The following TAFA1 variants were observed in gnomAD, a reference collection of about 807,000 sequenced individuals.
The protein encoded by TAFA1 is chemokine-like protein TAFA-1.
A neutral mutation model predicts 18.5 loss-of-function variants in TAFA1; 4 were observed. The ratio of observed to expected loss-of-function variants is 0.22; its 90% CI spans 0.11 to 0.49. The LOEUF is 0.49. Ranked by LOEUF, TAFA1 falls within the 20% of genes least tolerant of loss-of-function variation. The probability of loss-of-function intolerance (pLI) is 0.98; values close to 1 mark genes in which losing one functional copy is unlikely to be tolerated. For synonymous variants in TAFA1, 56 were observed against 55.2 expected (o/e 1.01, Z -0.06); for missense variants, 147 against 169.0 (o/e 0.87, Z 0.72).
intron 3 of TAFA1, among the ~76,000 whole-genome samples, chr3:68,425,856 A>C (rs1220594398): frequency 6.6e-6 from 1 of 151,782 alleles, no homozygotes; most frequent in Non-Finnish European, 1.5e-5. Flanking sequence ...AGTATTGAAA[A>C]AATTGACTTT....
At chr3:68,463,450 C>T (rs2071823453) in intron 3 of TAFA1, among the ~76,000 whole-genome samples, 1 of 152,090 alleles carries the variant, frequency 6.6e-6, no homozygotes, top group Admixed American at 6.6e-5. Context: ...TTCATTAGCA[C>T]TTTTTTTGAC....
chr3:68,111,780 AAGAGAG>A (rs71112608), intron 2 of TAFA1, among the ~76,000 whole-genome samples: 17 of 145,938 alleles, frequency 1.2e-4, no homozygotes, highest in Admixed American at 4.7e-4. Context: ...ACACATGAGA[AAGAGAG>A]AGAGAGAGAG....
At chr3:68,286,726 G>T (rs539334582) in intron 2 of TAFA1, among the ~76,000 whole-genome samples, 21 of 152,290 alleles carry the variant, frequency 1.4e-4, no homozygotes, top group African/African-American at 5.1e-4. Flanking sequence ...CTGTCCCAGA[G>T]GAATATGAGG....
intron 2 of TAFA1, among the ~76,000 whole-genome samples, chr3:68,290,309 T>A (rs766126940): frequency 3.3e-5 from 5 of 152,174 alleles, no homozygotes; most frequent in Non-Finnish European, 7.4e-5. Context: ...TGGGAAAAAC[T>A]ATTATTCAAT....
At chr3:68,279,622 T>A (rs2067862298) in intron 2 of TAFA1, among the ~76,000 whole-genome samples, 1 of 152,124 alleles carries the variant, frequency 6.6e-6, no homozygotes, top group African/African-American at 2.4e-5. Flanking sequence ...GTATCCTCCT[T>A]CCTGAAACTT....
intron 2 of TAFA1, among the ~76,000 whole-genome samples, chr3:68,129,254 T>A (rs1575633762): frequency 6.6e-6 from 1 of 152,170 alleles, no homozygotes; most frequent in Admixed American, 6.5e-5. Flanking sequence ...GTGACTGTCT[T>A]TTCTGTTCTC....
At chr3:68,384,278 C>G (rs2070042223) in intron 2 of TAFA1, among the ~76,000 whole-genome samples, 1 of 151,698 alleles carries the variant, frequency 6.6e-6, no homozygotes, top group Non-Finnish European at 1.5e-5. Flanking sequence ...GGGTTGTTAA[C>G]TTGAGATCTT....
In TAFA1 at chr3:68,045,774, T is replaced by G. The variant is rs1473994779; in HGVS notation, c.118+39030T>G. Among the ~76,000 whole-genome samples the G allele has an allele frequency of 1.1e-4, 17 of 152,210 alleles. 1 individual carries two copies. The highest frequency in any genetic ancestry group is 1.1e-3 in the Admixed American group (17 of 15,278). On this transcript the variant is annotated intron_variant, in intron 2 of 4. Coordinates refer to ENST00000478136, the MANE Select transcript of TAFA1 (RefSeq NM_213609.4). ...TTCTGTGACTAGATGATTTCTTTAG[T>G]CCTTTTCCACTCTTTAATCATTCAT...
intron 2 of TAFA1, among the ~76,000 whole-genome samples, chr3:68,036,792 A>G (rs1705059330): frequency 6.6e-6 from 1 of 152,094 alleles, no homozygotes; most frequent in South Asian, 2.1e-4. Flanking sequence ...CTTGAAGGCT[A>G]CTCTGTGGAT....
intron 2 of TAFA1, among the ~76,000 whole-genome samples, chr3:68,204,806 C>G (rs73834894): frequency 0.014 from 2,138 of 151,910 alleles, 41 homozygotes; most frequent in East Asian, 0.089. Flanking sequence ...TGCTCAAGGT[C>G]ATCCAGCGAG....
intron 2 of TAFA1, among the ~76,000 whole-genome samples, chr3:68,233,403 G>C (rs1559568818): frequency 6.6e-6 from 1 of 152,086 alleles, no homozygotes. Flanking sequence ...TTTCCTCAAT[G>C]TATGTTCTTG....
rs758653893 is a variant in TAFA1, at chr3:68,188,507, T to TTA, written c.118+181778_118+181779dup. 2.0e-3 allele frequency among the ~76,000 whole-genome samples: 285 copies of TTA among 145,698 alleles called. 1 individual carries two copies. Among genetic ancestry groups the TTA allele is most frequent in the African/African-American group, 6.3e-3 (251 of 39,952 alleles). ...GTATATAATGTATGTGTATATATAT[T>TTA]TATATATATATATATAGAGAGAGAG... On this transcript the variant is annotated intron_variant, in intron 2 of 4. Coordinates refer to ENST00000478136, the MANE Select transcript of TAFA1 (RefSeq NM_213609.4).
chr3:68,424,273 C>A (rs2071013791), intron 3 of TAFA1, among the ~76,000 whole-genome samples: 1 of 151,746 alleles, frequency 6.6e-6, no homozygotes, highest in Non-Finnish European at 1.5e-5. Context: ...GAAGATGAGA[C>A]AGACCAGACA....
intron 2 of TAFA1, among the ~76,000 whole-genome samples, chr3:68,179,373 A>G (rs1338375045): frequency 1.3e-5 from 2 of 152,246 alleles, no homozygotes; most frequent in African/African-American, 4.8e-5. Flanking sequence ...CACAAGTATT[A>G]CAGAATGAAA....
chr3:68,121,967 TAGAACACTCAATATACTCTCAAAACAA>T (rs1178814948), intron 2 of TAFA1, among the ~76,000 whole-genome samples: 2 of 152,266 alleles, frequency 1.3e-5, no homozygotes, highest in East Asian at 3.9e-4. Flanking sequence ...CTAATGTTTA[TAGAACACTCAATATACTCTCAAAACAA>T]AGCACTCTGC....
the TAFA1 span, among the ~76,000 whole-genome samples, chr3:67,991,659 T>C: frequency 1.3e-5 from 2 of 152,354 alleles, no homozygotes; most frequent in East Asian, 1.9e-4. Flanking sequence ...GCTGGGTTCT[T>C]AGGCCTTTGG....
chr3:68,349,360 C>T (rs1463021244), intron 2 of TAFA1, among the ~76,000 whole-genome samples: 3 of 151,922 alleles, frequency 2.0e-5, no homozygotes, highest in Non-Finnish European at 4.4e-5. Context: ...TTTTTCTGGA[C>T]ATGATATTCT....
In TAFA1 at chr3:68,234,436, T is replaced by C. The variant is rs553649663; in HGVS notation, c.119-182844T>C. Reference sequence around the variant, plus strand: ...ATGCCACCTTCATATGTTGAGTATCTCCTCTTTTGGAGATAAAACTGTCGA... The same window carrying C: ...ATGCCACCTTCATATGTTGAGTATCCCCTCTTTTGGAGATAAAACTGTCGA... On this transcript the variant is annotated intron_variant, in intron 2 of 4. Transcript: ENST00000478136. Among the ~76,000 whole-genome samples, 24 of 152,282 alleles carry C rather than the reference T, an allele frequency of 1.6e-4. 1 individual carries two copies. The highest frequency in any genetic ancestry group is 4.8e-4 in the African/African-American group (20 of 41,552).
rs1375088692 is a variant in TAFA1 at position 68,418,457 on chromosome 3, G to A, written c.259+1037G>A. Among the ~76,000 whole-genome samples, 3 of 54,726 alleles carry A rather than the reference G, an allele frequency of 5.5e-5. No homozygotes were observed. In the Admixed American group the frequency reaches 5.7e-4, roughly 10 times the overall value. 35.9% of individuals were successfully genotyped at this position (54,726 alleles called of 152,430 possible). A position where few individuals can be genotyped will look rare whatever the true frequency, so the allele number is the denominator to read the frequency against. Reference sequence around the variant, plus strand: ...CGGCCATTTTCACTTCTTTTGTGGTGGAATATCATCAGTTAAGGCAAGGAC... The same window carrying A: ...CGGCCATTTTCACTTCTTTTGTGGTAGAATATCATCAGTTAAGGCAAGGAC... On this transcript the variant is annotated intron_variant, in intron 3 of 4. Transcript: ENST00000478136.
Sources: allele counts gnomAD v4.1 joint callset (sites outside exome capture counted in the v4.1 genomes callset), GRCh38; gene constraint gnomAD v4.1.1; transcripts MANE v1.5; gene names NCBI Gene and HGNC (gene_info 2026-07-23, HGNC 2026-07-21).